LCN12: variants seen among roughly 807,000 people sequenced by gnomAD.
LCN12 encodes lipocalin 12, also known as epididymal-specific lipocalin-12.
In LCN12, 15 loss-of-function variants were observed where a neutral mutation model predicts 23.7. That is an observed-to-expected ratio of 0.63 (90% CI 0.42 to 0.97). The LOEUF is 0.97. Among genes scored for constraint, LCN12 ranks in the 50% least tolerant of loss-of-function variants. The pLI is 0.00. For missense variants in LCN12, 219 were observed against 249.6 expected, an observed-to-expected ratio of 0.88 and a Z score of 0.83; for synonymous variants, 116 against 111.5, an observed-to-expected ratio of 1.04 and a Z score of -0.25.
At chr9:136,954,714 C>CTCA in intron 5 of LCN12, 13 of 1,291,390 alleles carry the variant, frequency 1.0e-5, no homozygotes, top group Non-Finnish European at 1.2e-5. Flanking sequence ...GGAGCTTGGA[C>CTCA]TCATCCCAGG....
At chr9:136,951,967 G>A (rs1160544440), upstream of LCN12, among the ~76,000 whole-genome samples, 3 of 152,226 alleles carry the variant, frequency 2.0e-5, no homozygotes, top group African/African-American at 7.2e-5. Context: ...GTGACAGGGA[G>A]GAAGGCTGGG....
At chr9:136,952,816 G>T in intron 1 of LCN12, 76 bp from the exon 2 acceptor site, 3 of 1,541,080 alleles carry the variant, frequency 1.9e-6, no homozygotes, top group South Asian at 1.2e-5. Flanking sequence ...CTGCCAGGGA[G>T]GGCGGGAGGG....
chr9:136,953,087 G>C lies in LCN12; in HGVS notation c.251+59G>C, dbSNP rs376399962. ...AGGAGGATCCCGGGCCTGGGTCCCAGCCGCCAGTGGCTCAGGTGCGCCATG... is the reference window on the plus strand; with the variant it reads ...AGGAGGATCCCGGGCCTGGGTCCCACCCGCCAGTGGCTCAGGTGCGCCATG... On this transcript the variant is annotated intron_variant, in intron 2 of 5. Transcript: ENST00000371633. 205 of 1,600,216 alleles carry C rather than the reference G, an allele frequency of 1.3e-4. No homozygotes were observed. In the African/African-American group the frequency reaches 2.4e-3, roughly 18 times the overall value.
upstream of LCN12, chr9:136,952,261 G>A: frequency 1.8e-6 from 2 of 1,102,334 alleles, no homozygotes; most frequent in Non-Finnish European, 2.7e-6. Flanking sequence ...TGAAGAGGTG[G>A]GTCTCTGGGT....
intron 5 of LCN12, 52 bp downstream of exon 5, chr9:136,954,307 G>T: frequency 6.5e-7 from 1 of 1,541,452 alleles, no homozygotes; most frequent in South Asian, 1.2e-5. Flanking sequence ...GGGCCCGCAG[G>T]AATGAGTTTG....
chr9:136,955,352 A>T lies in LCN12; in HGVS notation c.551-19A>T, dbSNP rs773295790. 1 of 1,606,458 alleles carries T rather than the reference A, an allele frequency of 6.2e-7. No homozygotes were observed. Among genetic ancestry groups the T allele is most frequent in the Non-Finnish European group, 8.5e-7 (1 of 1,176,466 alleles). On this transcript the variant is annotated intron_variant, in intron 5 of 5. Transcript: ENST00000371633. ...TGCTCCCCCTTTGTCCTCCATCCCG[A>T]CTCCATCTCCCCCACCAGGCTGGTC...
chr9:136,950,398 G>A (rs552224315), upstream of LCN12, among the ~76,000 whole-genome samples: 72 of 152,270 alleles, frequency 4.7e-4, 1 homozygote, highest in African/African-American at 1.7e-3. Flanking sequence ...ACCCTCCTCT[G>A]TGTCGAGGAC....
At chr9:136,956,163 T>C (rs1186829362), downstream of LCN12, among the ~76,000 whole-genome samples, 1 of 152,112 alleles carries the variant, frequency 6.6e-6, no homozygotes, top group Non-Finnish European at 1.5e-5. Flanking sequence ...CTCCGATGTC[T>C]GTGTCCATCT....
At chr9:136,954,932 A>C in intron 5 of LCN12, 2 of 1,244,372 alleles carry the variant, frequency 1.6e-6, no homozygotes, top group Non-Finnish European at 2.1e-6. Flanking sequence ...ACACTCACGC[A>C]TGAGCAAACG....
chr9:136,952,812 G>A, intron 1 of LCN12, 80 bp from the exon 2 acceptor site: 1 of 1,532,390 alleles, frequency 6.5e-7, no homozygotes, highest in Non-Finnish European at 8.8e-7. Context: ...GAAGCTGCCA[G>A]GGAGGGCGGG....
chr9:136,952,309 G>C lies in LCN12; in HGVS notation c.-19G>C. ...GCCACTTCCTTCTCTCTGTCCCTGT[G>C]GGCCCAGCAGCTGCCAGGATGAGGC... On this transcript the variant is annotated 5_prime_UTR_variant, in exon 1 of 6. Coordinates refer to ENST00000371633, the MANE Select transcript of LCN12 (RefSeq NM_178536.4). 6.4e-7 allele frequency: 1 copy of C among 1,573,940 alleles called. No homozygotes were observed. Among genetic ancestry groups the C allele is most frequent in the Non-Finnish European group, 8.7e-7 (1 of 1,149,186 alleles).
chr9:136,954,455 C>A, intron 5 of LCN12, 200 bp downstream of exon 5: 1 of 705,384 alleles, frequency 1.4e-6, no homozygotes. Flanking sequence ...GTCCCCTGTC[C>A]TGGGCCACCT....
At chr9:136,951,053 C>A (rs1217603717), upstream of LCN12, among the ~76,000 whole-genome samples, 3 of 151,952 alleles carry the variant, frequency 2.0e-5, no homozygotes. Flanking sequence ...ACAGGCCAGG[C>A]ACACGGTGAG....
Position 136,952,446 on chromosome 9 carries a change from A to T in LCN12, c.114+5A>T. The T allele has an allele frequency of 6.3e-7, 1 of 1,593,434 alleles. No homozygotes were observed. The highest frequency in any genetic ancestry group is 8.6e-7 in the Non-Finnish European group (1 of 1,163,020). The stretch of plus-strand genomic sequence containing the variant: ...CAGAGCTTCCAAGGAAACCAGGTAC[A>T]GGGGTTTTGACGGAAGGAGAAGCAG... On this transcript the variant is annotated splice_donor_5th_base_variant and intron_variant, in intron 1 of 5. Transcript: ENST00000371633.
upstream of LCN12, among the ~76,000 whole-genome samples, chr9:136,950,413 C>T (rs750385026): frequency 1.3e-5 from 2 of 152,138 alleles, no homozygotes; most frequent in Non-Finnish European, 2.9e-5. Context: ...GAGGACTCGG[C>T]CCACCCGACC....
chr9:136,953,361 CTTTGGGGG>C, intron 2 of LCN12: 1 of 94,004 alleles, frequency 1.1e-5, no homozygotes, highest in Non-Finnish European at 2.0e-5. Context: ...AATCCTAGCA[CTTTGGGGG>C]CCGGGCGCGG....
downstream of LCN12, chr9:136,955,517 A>G (rs1851302855): frequency 8.7e-7 from 1 of 1,149,868 alleles, no homozygotes; most frequent in Non-Finnish European, 1.3e-6. Context: ...TGTGACCACT[A>G]TGACCTTGGG....
Position 136,953,923 on chromosome 9 carries a change from GAC to G in LCN12, c.412_413del (p.Thr138GlufsTer37). On this transcript the variant is annotated frameshift_variant, in exon 4 of 6. Transcript: ENST00000371633. LOFTEE classifies it high-confidence loss of function. ...CAGTTCGCCCTGATGCTGTCCCGCA[GAC>G]ACACGAGCAGGCTGGCCGTCCTCAG... 6.2e-7 allele frequency: 1 copy of G among 1,611,706 alleles called. No homozygotes were observed.
At chr9:136,953,087 G>A (rs376399962) in intron 2 of LCN12, 59 bp downstream of exon 2, 21 of 1,600,216 alleles carry the variant, frequency 1.3e-5, no homozygotes, top group Non-Finnish European at 1.7e-5. Context: ...CTGGGTCCCA[G>A]CCGCCAGTGG....
Sources: allele counts gnomAD v4.1 joint callset (sites outside exome capture counted in the v4.1 genomes callset), GRCh38; gene constraint gnomAD v4.1.1; transcripts MANE v1.5; gene names NCBI Gene and HGNC (gene_info 2026-07-23, HGNC 2026-07-21).